STS: variants seen among roughly 807,000 people sequenced by gnomAD.
STS encodes the protein steryl-sulfatase.
In STS, 7 loss-of-function variants were observed where a neutral mutation model predicts 26.8. That is an observed-to-expected ratio of 0.26 (90% confidence interval 0.15 to 0.49). STS has a LOEUF of 0.49. Among genes scored for constraint, STS ranks in the 20% least tolerant of loss-of-function variants. The probability of loss-of-function intolerance (pLI) is 0.98; values close to 1 mark genes in which losing one functional copy is unlikely to be tolerated. For missense variants in STS, 434 were observed against 465.6 expected, an observed-to-expected ratio of 0.93 and a Z score of 0.63; for synonymous variants, 199 against 189.4, an observed-to-expected ratio of 1.05 and a Z score of -0.42.
intron 2 of STS, among the ~76,000 whole-genome samples, chrX:7,244,294 C>G (rs1196689071): frequency 1.8e-5 from 2 of 111,911 alleles, no homozygotes; most frequent in Non-Finnish European, 3.8e-5. Context: ...CCTTGAAGAG[C>G]CTTTTTGGAG....
rs772792747 is a variant in STS, at chrX:7,239,758, C to T, written c.-4-13438C>T. Among the ~76,000 whole-genome samples, 15 of 111,665 alleles carry T rather than the reference C, an allele frequency of 1.3e-4. No homozygotes were observed. In the South Asian group the frequency reaches 5.2e-3, roughly 39 times the overall value. ...TTAAGTACTTTTATGTTAACTGACT[C>T]TGTTTCAGTTTTTTGAAACCTCTTT... On this transcript the variant is annotated intron_variant, in intron 2 of 10. Transcript: ENST00000674429.
intron 2 of STS, among the ~76,000 whole-genome samples, chrX:7,218,477 T>G (rs1921402651): frequency 1.8e-5 from 2 of 112,385 alleles, no homozygotes; most frequent in South Asian, 3.7e-4. Flanking sequence ...AAAATGATGC[T>G]TATGTATGCG....
chrX:7,234,995 C>T (rs1269792986), intron 2 of STS, among the ~76,000 whole-genome samples: 3 of 112,086 alleles, frequency 2.7e-5, no homozygotes, highest in Middle Eastern at 4.6e-3. Context: ...ATGGTGGCCT[C>T]TTAACATGCC....
chrX:7,223,895 A>AT (rs777830858), intron 2 of STS, among the ~76,000 whole-genome samples: 7 of 108,086 alleles, frequency 6.5e-5, no homozygotes, highest in Non-Finnish European at 1.2e-4. Context: ...ATAGACATTC[A>AT]TTTTTTTTTC....
At chrX:7,157,995 G>A (rs1933169205) in intron 1 of STS, among the ~76,000 whole-genome samples, 1 of 112,314 alleles carries the variant, frequency 8.9e-6, no homozygotes, top group South Asian at 3.7e-4. Flanking sequence ...AGCAAGGAGA[G>A]AAGTGGGGGC....
chrX:7,243,262 T>A (rs1195413830), intron 2 of STS, among the ~76,000 whole-genome samples: 1 of 112,068 alleles, frequency 8.9e-6, no homozygotes, highest in Non-Finnish European at 1.9e-5. Context: ...GGGATCTTGC[T>A]ATGTTCCTGC....
intron 2 of STS, among the ~76,000 whole-genome samples, chrX:7,203,791 T>G (rs12690191): frequency 0.19 from 20,365 of 105,965 alleles, 1,864 homozygotes; most frequent in African/African-American, 0.3. Flanking sequence ...TATATATATA[T>G]AGAGAGAGAG....
chrX:7,323,654 C>G (rs891831741), intron 8 of STS, among the ~76,000 whole-genome samples: 3 of 111,847 alleles, frequency 2.7e-5, no homozygotes, highest in Admixed American at 9.5e-5. Context: ...TTCATGTCTG[C>G]TATTGTGAAT....
chrX:7,166,983 A>G lies in STS; in HGVS notation c.-134+18900A>G, dbSNP rs532544349. ...ATATTTGGGATTAGATACTGTAGTC[A>G]TTATTTATCACTGCAGAGCAAATTA... On this transcript the variant is annotated intron_variant, in intron 1 of 10. Coordinates refer to ENST00000674429, the MANE Select transcript of STS (RefSeq NM_001320752.2). 1.8e-5 allele frequency among the ~76,000 whole-genome samples: 2 copies of G among 111,662 alleles called. 1 individual carries two copies. The highest frequency in any genetic ancestry group is 7.6e-4 in the South Asian group (2 of 2,644).
At chrX:7,263,316 G>A (rs755504278) in intron 6 of STS, among the ~76,000 whole-genome samples, 4 of 112,375 alleles carry the variant, frequency 3.6e-5, no homozygotes, top group South Asian at 3.7e-4. Flanking sequence ...TGATCCACCC[G>A]CCTCGGCCTC....
intron 6 of STS, among the ~76,000 whole-genome samples, chrX:7,268,494 A>G (rs1924113981): frequency 8.9e-6 from 1 of 111,899 alleles, no homozygotes; most frequent in African/African-American, 3.3e-5. Flanking sequence ...TAGTTTCGAT[A>G]AGAGTGTAAG....
chrX:7,180,036 G>T (rs1933650913), intron 1 of STS, among the ~76,000 whole-genome samples: 1 of 111,416 alleles, frequency 9.0e-6, no homozygotes, highest in African/African-American at 3.3e-5. Flanking sequence ...ATAATTCCTA[G>T]AGAGTGTTCC....
intron 1 of STS, among the ~76,000 whole-genome samples, chrX:7,148,653 G>GT (rs1256514689): frequency 8.9e-6 from 1 of 112,264 alleles, no homozygotes; most frequent in Non-Finnish European, 1.9e-5. Flanking sequence ...CCGTGGGTGG[G>GT]TTTTTCTCAG....
intron 10 of STS, among the ~76,000 whole-genome samples, chrX:7,338,663 T>C (rs957700751): frequency 9.0e-6 from 1 of 111,611 alleles, no homozygotes. Context: ...TCAAGTTTGT[T>C]GGAAACTTTT....
In STS at chrX:7,350,687, T is replaced by C. The variant is rs1209397023; in HGVS notation, c.*426T>C. Reference sequence around the variant, plus strand: ...CCATTTACTCTATAATCTGCAGTGATGCAATAACCAGCATAATAAAAAGGC... The same window carrying C: ...CCATTTACTCTATAATCTGCAGTGACGCAATAACCAGCATAATAAAAAGGC... On this transcript the variant is annotated 3_prime_UTR_variant, in exon 11 of 11. Transcript: ENST00000674429. 7.7e-6 allele frequency: 1 copy of C among 130,287 alleles called. No individual in the cohort carries two copies. The highest frequency in any genetic ancestry group is 1.5e-5 in the Non-Finnish European group (1 of 64,765). The allele number at this position is 130,287 out of a possible 1,213,427, so 10.7% of individuals were successfully genotyped here.
chrX:7,309,435 A>G (rs924538328), intron 8 of STS, among the ~76,000 whole-genome samples: 4 of 110,946 alleles, frequency 3.6e-5, no homozygotes, highest in Non-Finnish European at 1.9e-5. Flanking sequence ...AAAGATCACT[A>G]TTGGGTACTA....
chrX:7,236,802 T>C (rs1922330688), intron 2 of STS, among the ~76,000 whole-genome samples: 1 of 111,791 alleles, frequency 8.9e-6, no homozygotes, highest in African/African-American at 3.2e-5. Flanking sequence ...TGAAACATTG[T>C]GTACACAACG....
chrX:7,316,042 G>A (rs1278935629), intron 8 of STS, among the ~76,000 whole-genome samples: 12 of 111,973 alleles, frequency 1.1e-4, no homozygotes, highest in African/African-American at 3.9e-4. Context: ...CAGAGGATGA[G>A]CTGTTGACCA....
intron 1 of STS, among the ~76,000 whole-genome samples, chrX:7,155,727 A>G (rs1162450958): frequency 2.4e-4 from 27 of 112,206 alleles, no homozygotes; most frequent in Non-Finnish European, 1.1e-4. Flanking sequence ...ACTTGTTGGT[A>G]GGTTTTTGGA....
Sources: allele counts gnomAD v4.1 joint callset (sites outside exome capture counted in the v4.1 genomes callset), GRCh38; gene constraint gnomAD v4.1.1; transcripts MANE v1.5; gene names NCBI Gene and HGNC (gene_info 2026-07-23, HGNC 2026-07-21).